The following PANK2 variants were observed in gnomAD, a reference collection of about 807,000 sequenced individuals.
The protein encoded by PANK2 is pantothenate kinase 2, mitochondrial.
Under a neutral mutation model 43.1 loss-of-function variants are expected in PANK2, and 36 were observed. The ratio of observed to expected loss-of-function variants is 0.84; its 90% CI spans 0.64 to 1.10. PANK2 has a LOEUF of 1.10. Among genes scored for constraint, PANK2 ranks in the 50% least tolerant of loss-of-function variants. The probability of loss-of-function intolerance (pLI) is 0.00; values close to 1 mark genes in which losing one functional copy is unlikely to be tolerated. For synonymous variants in PANK2, 281 were observed against 238.2 expected, an observed-to-expected ratio of 1.18 and a Z score of -1.66; for missense variants, 576 against 593.3, an observed-to-expected ratio of 0.97 and a Z score of 0.30.
intron 1 of PANK2, among the ~76,000 whole-genome samples, chr20:3,901,986 T>C (rs909171096): frequency 5.9e-5 from 9 of 151,948 alleles, no homozygotes; most frequent in Non-Finnish European, 1.2e-4. Flanking sequence ...TTTTTCCTTA[T>C]GATATCTTGA....
At chr20:3,890,152 C>G (rs2090096874) in intron 1 of PANK2, among the ~76,000 whole-genome samples, 1 of 152,160 alleles carries the variant, frequency 6.6e-6, no homozygotes, top group Non-Finnish European at 1.5e-5. Context: ...CTTTAAGTCC[C>G]TTTTATTCGT....
intron 3 of PANK2, among the ~76,000 whole-genome samples, chr20:3,911,306 C>T (rs907886309): frequency 2.6e-5 from 4 of 152,134 alleles, no homozygotes; most frequent in South Asian, 2.1e-4. Context: ...GAGGATTAGC[C>T]GGGCGTGGTG....
chr20:3,895,572 A>G (rs995872681), intron 1 of PANK2, among the ~76,000 whole-genome samples: 7 of 151,160 alleles, frequency 4.6e-5, no homozygotes, highest in African/African-American at 1.5e-4. Context: ...GCATCAGGCA[A>G]TGAAAAGAAT....
At position 3,929,504 on chromosome 20, in the gene PANK2, C is replaced by T. The variant is rs2090788334; in HGVS notation, c.*6210C>T. The T allele has an allele frequency of 1.3e-5, 2 of 152,324 alleles. No homozygotes were observed. Among genetic ancestry groups the T allele is most frequent in the Admixed American group, 1.3e-4 (2 of 15,284 alleles). The allele number at this position is 152,324 out of a possible 1,614,324, so 9.4% of individuals were successfully genotyped here. On this transcript the variant is annotated 3_prime_UTR_variant, in exon 7 of 7. Coordinates refer to ENST00000610179, the MANE Select transcript of PANK2 (RefSeq NM_001386393.1). ...TGCACTTGCTCAGTAGCTAAGATGT[C>T]TGCCCCACAAAATAGAAGCCTTCAG...
chr20:3,910,835 G>A lies in PANK2; in HGVS notation c.905+5G>A, dbSNP rs751434484. The A allele has an allele frequency of 6.2e-7, 1 of 1,614,068 alleles. No individual in the cohort carries two copies. The highest frequency in any genetic ancestry group is 8.5e-7 in the Non-Finnish European group (1 of 1,179,968). Reference sequence around the variant, plus strand: ...CAAACGGGTCACAGGTACTAGGTAAGTTGTATATAAAACTCACTGTTTATT... The same window carrying A: ...CAAACGGGTCACAGGTACTAGGTAAATTGTATATAAAACTCACTGTTTATT... On this transcript the variant is annotated splice_donor_5th_base_variant and intron_variant, in intron 3 of 6. Coordinates refer to ENST00000610179, the MANE Select transcript of PANK2 (RefSeq NM_001386393.1).
chr20:3,923,676 C>G lies in PANK2; in HGVS notation c.*382C>G, dbSNP rs71647861. ...GCTGAATGTAAGGCAGGCTACTATG[C>G]GTTATAATCTAATCACAATTTGTCA... On this transcript the variant is annotated 3_prime_UTR_variant, in exon 7 of 7. Transcript: ENST00000610179. The G allele has an allele frequency of 3.5e-6, 1 of 286,660 alleles. No individual in the cohort carries two copies. The highest frequency in any genetic ancestry group is 2.1e-5 in the African/African-American group (1 of 46,624). The allele number at this position is 286,660 out of a possible 1,614,324, so 17.8% of individuals were successfully genotyped here.
At chr20:3,893,082 ATTTT>A (rs1055790498) in intron 1 of PANK2, among the ~76,000 whole-genome samples, 3 of 152,198 alleles carry the variant, frequency 2.0e-5, no homozygotes, top group African/African-American at 7.2e-5. Flanking sequence ...TATGCCGAGT[ATTTT>A]ATAAGCATCT....
At chr20:3,907,897 G>A in intron 1 of PANK2, 29 bp from the exon 2 acceptor site, 1 of 1,595,028 alleles carries the variant, frequency 6.3e-7, no homozygotes, top group Admixed American at 1.7e-5. Context: ...GAAAAAAGCT[G>A]TTCTGACTTA....
chr20:3,922,334 A>C (rs2090659551), intron 6 of PANK2, among the ~76,000 whole-genome samples: 1 of 151,968 alleles, frequency 6.6e-6, no homozygotes, highest in Admixed American at 6.6e-5. Context: ...CTAATGTGCT[A>C]TTCCTGTGTT....
At chr20:3,893,123 A>T (rs1600489536) in intron 1 of PANK2, among the ~76,000 whole-genome samples, 1 of 152,194 alleles carries the variant, frequency 6.6e-6, no homozygotes, top group African/African-American at 2.4e-5. Context: ...CTATCCTGTG[A>T]GGTAGGTGTT....
At position 3,906,822 on chromosome 20, in the gene PANK2, C is replaced by T. The variant is rs182818116; in HGVS notation, c.299-1104C>T. On this transcript the variant is annotated intron_variant, in intron 1 of 6. Transcript: ENST00000610179. ...CTTCAGGCCTTTTTTTTCTTTGAGA[C>T]GGAGTGTCACTCTGTCGCCAGGCTA... 2.5e-4 allele frequency among the ~76,000 whole-genome samples: 38 copies of T among 151,988 alleles called. 1 individual carries two copies. The highest frequency in any genetic ancestry group is 8.2e-4 in the African/African-American group (34 of 41,458).
intron 4 of PANK2, among the ~76,000 whole-genome samples, chr20:3,915,343 G>T (rs2146882887): frequency 6.6e-6 from 1 of 151,962 alleles, no homozygotes; most frequent in East Asian, 1.9e-4. Context: ...TCTGTCACCA[G>T]GCTGGAGTGC....
At chr20:3,889,031 C>A, upstream of PANK2, 1 of 1,279,704 alleles carries the variant, frequency 7.8e-7, no homozygotes, top group Non-Finnish European at 1.1e-6. Flanking sequence ...GACTCGGGGT[C>A]GCCCCAGGAG....
intron 6 of PANK2, among the ~76,000 whole-genome samples, chr20:3,922,546 C>T (rs531189115): frequency 2.3e-4 from 35 of 152,224 alleles, no homozygotes; most frequent in South Asian, 2.1e-3. Flanking sequence ...ATTCCTGTGC[C>T]GCCTGCTTCT....
At position 3,889,568 on chromosome 20, in the gene PANK2, A is replaced by C. The variant is rs1412836188; in HGVS notation, c.138A>C (p.Glu46Asp). Residue 46 changes from glutamate to aspartate, a missense_variant, in exon 1 of 7, where the codon GAA becomes GAC. Glu to Asp is a conservative substitution (Grantham distance 45). Around this residue, in one of 2 missense-constraint regions of PANK2, gnomAD observed 544 missense variants for 528.9 expected, o/e 1.03. Coordinates refer to ENST00000610179, the MANE Select transcript of PANK2 (RefSeq NM_001386393.1). ...GGGAGCAGGCGGCCGGGGACCCCGA[A>C]GGGCGGCGGCAGGAGCCACTGCGGC... The C allele has an allele frequency of 1.4e-6, 2 of 1,445,028 alleles. No homozygotes were observed. The highest frequency in any genetic ancestry group is 1.8e-6 in the Non-Finnish European group (2 of 1,109,344). The allele number at this position is 1,445,028 out of a possible 1,614,324, so 89.5% of individuals were successfully genotyped here.
intron 6 of PANK2, among the ~76,000 whole-genome samples, chr20:3,922,765 C>A (rs2090666184): frequency 6.6e-6 from 1 of 152,134 alleles, no homozygotes; most frequent in Non-Finnish European, 1.5e-5. Flanking sequence ...TTATCTCTTA[C>A]TCTCCCTCCC....
rs796552019 is a variant in PANK2 at position 3,928,567 on chromosome 20, C to T, written c.*5273C>T. The T allele has an allele frequency of 2.6e-5, 4 of 152,126 alleles. No individual in the cohort carries two copies. The highest frequency in any genetic ancestry group is 9.6e-5 in the African/African-American group (4 of 41,512). 9.4% of individuals were successfully genotyped at this position (152,126 alleles called of 1,614,324 possible). A position where few individuals can be genotyped will look rare whatever the true frequency, so the allele number is the denominator to read the frequency against. ...GGTCAGGAGATCGAGACCATCCTGG[C>T]TAACACGGTGAAACTCCGTCTGTAC... On this transcript the variant is annotated 3_prime_UTR_variant, in exon 7 of 7. Coordinates refer to ENST00000610179, the MANE Select transcript of PANK2 (RefSeq NM_001386393.1).
intron 4 of PANK2, among the ~76,000 whole-genome samples, chr20:3,913,796 T>A (rs200691030): frequency 0.54 from 69,875 of 129,548 alleles, 18,528 homozygotes; most frequent in Non-Finnish European, 0.58. Flanking sequence ...ATATATTTTT[T>A]TTTTTTTTTT....
chr20:3,928,735 G>C lies in PANK2; in HGVS notation c.*5441G>C. 1 of 103,268 alleles carries C rather than the reference G, an allele frequency of 9.7e-6. No homozygotes were observed. The highest frequency in any genetic ancestry group is 3.1e-4 in the East Asian group (1 of 3,196). The allele number at this position is 103,268 out of a possible 1,614,324, so 6.4% of individuals were successfully genotyped here. On this transcript the variant is annotated 3_prime_UTR_variant, in exon 7 of 7. Transcript: ENST00000610179. ...TGCATTCCAGCCTGGGTGACAGAGC[G>C]AGACTCCGTCTCAAAAAAAAAAAAA...
Sources: gnomAD v4.1 joint callset for allele counts (sites outside exome capture counted in the v4.1 genomes callset) on GRCh38, gnomAD v4.1.1 for gene constraint, gnomAD v4.1.1 regional missense constraint, MANE v1.5 for transcripts, NCBI Gene and HGNC (gene_info 2026-07-23, HGNC 2026-07-21) for gene names.